REPIN1: variants seen among roughly 807,000 people sequenced by gnomAD.
The protein encoded by REPIN1 is DNA-binding protein REPIN1.
A neutral mutation model predicts 5.7 loss-of-function variants in REPIN1; 4 were observed. The observed-to-expected ratio is 0.71, with a 90% CI of 0.35 to 1.62. The LOEUF (loss-of-function observed/expected upper bound fraction) is 1.62. Ranked by LOEUF, REPIN1 falls within the 40% of genes most tolerant of loss-of-function variation. The pLI is 0.05. For missense variants in REPIN1, 854 were observed against 901.0 expected (o/e 0.95, Z 0.67); for synonymous variants, 410 against 386.2 (o/e 1.06, Z -0.72).
In REPIN1 at chr7:150,369,687, T is replaced by C. The variant is rs528309635; in HGVS notation, c.-25T>C. On this transcript the variant is annotated 5_prime_UTR_variant, in exon 2 of 3. Transcript: ENST00000489432. ...TCCCCACAGGTAAGGCTGGCCTCTC[T>C]GCAGTCAGAGGTCTGAGCTCTGCCA... 1.2e-6 allele frequency: 2 copies of C among 1,613,808 alleles called. No individual in the cohort carries two copies. Among genetic ancestry groups the C allele is most frequent in the African/African-American group, 1.3e-5 (1 of 75,040 alleles).
At position 150,371,455 on chromosome 7, in the gene REPIN1, C is replaced by T. The variant is rs754380206; in HGVS notation, c.385C>T (p.Leu129=). Reference sequence around the variant, plus strand: ...AAGGCACTTCCCTGGCTGGGTGGCTCTGTGGCTTCACACCCGCCGGTGCCA... The same window carrying T: ...AAGGCACTTCCCTGGCTGGGTGGCTTTGTGGCTTCACACCCGCCGGTGCCA... ...CRRHFPGWVA[L]WLHTRRCQAR... Residue 129 remains leucine (L), a synonymous_variant, in exon 3 of 3, where the codon CTG becomes TTG. Transcript: ENST00000489432. 2.5e-6 allele frequency: 4 copies of T among 1,605,672 alleles called. No homozygotes were observed. Among genetic ancestry groups the T allele is most frequent in the African/African-American group, 2.7e-5 (2 of 74,912 alleles).
At chr7:150,370,064 T>G (rs1799426997) in intron 2 of REPIN1, 196 bp downstream of exon 2, 1 of 642,218 alleles carries the variant, frequency 1.6e-6, no homozygotes, top group Admixed American at 3.1e-5. Context: ...AGGATGTGTC[T>G]GGAGCTTGTG....
intron 2 of REPIN1, 155 bp from the exon 3 acceptor site, chr7:150,371,073 C>T (rs1799649665): frequency 1.2e-6 from 1 of 823,868 alleles, no homozygotes; most frequent in Admixed American, 2.9e-5. Flanking sequence ...TGAAATAATA[C>T]ATACCACACA....
intron 2 of REPIN1, 161 bp downstream of exon 2, chr7:150,370,029 G>A: frequency 1.2e-6 from 1 of 848,368 alleles, no homozygotes; most frequent in East Asian, 2.7e-5. Context: ...CCTGAGAAGA[G>A]AGAGTGCGCT....
At position 150,372,640 on chromosome 7, in the gene REPIN1, G is replaced by T. The variant is rs762398421; in HGVS notation, c.1570G>T (p.Ala524Ser). The T allele has an allele frequency of 6.2e-7, 1 of 1,610,552 alleles. No homozygotes were observed. Among genetic ancestry groups the T allele is most frequent in the Non-Finnish European group, 8.5e-7 (1 of 1,179,554 alleles). ...CTTCGTGTGTCCCGACTGCGGCAAG[G>T]CCTTCCGCCACAAACCCTACCTGGC... ...RPFVCPDCGKAFRHKPYLAAH... is the reference protein window; with the variant it reads ...RPFVCPDCGKSFRHKPYLAAH... Residue 524 changes from alanine to serine, a missense_variant, in exon 3 of 3, where the codon GCC (alanine) becomes TCC (serine). This residue lies in a region of REPIN1 where 327 missense variants were observed against 307.8 expected (regional missense o/e 1.06). Coordinates refer to ENST00000489432, the MANE Select transcript of REPIN1 (RefSeq NM_001099695.2).
Position 150,372,593 on chromosome 7 carries a change from G to T in REPIN1, c.1523G>T (p.Arg508Leu). 1 of 1,605,198 alleles carries T rather than the reference G, an allele frequency of 6.2e-7. No individual in the cohort carries two copies. ...SQGSHLAAHR[R>L]DHAPDRPFVC... ...GGCAGCCATCTGGCGGCGCATCGGC[G>T]CGACCACGCCCCCGATCGGCCCTTC... Residue 508 changes from arginine (R) to leucine (L), a missense_variant, in exon 3 of 3, where the codon CGC becomes CTC. Coordinates refer to ENST00000489432, the MANE Select transcript of REPIN1 (RefSeq NM_001099695.2).
chr7:150,371,429 G>T lies in REPIN1; in HGVS notation c.359G>T (p.Arg120Leu). 1 of 1,603,554 alleles carries T rather than the reference G, an allele frequency of 6.2e-7. No individual in the cohort carries two copies. The highest frequency in any genetic ancestry group is 1.3e-5 in the African/African-American group (1 of 74,982). ...PGRAHRCAHCRRHFPGWVALW... is the reference protein window; with the variant it reads ...PGRAHRCAHCLRHFPGWVALW... ...AGGGCCCATCGCTGTGCCCACTGTC[G>T]AAGGCACTTCCCTGGCTGGGTGGCT... is the stretch of plus-strand genomic sequence containing the variant. Residue 120 changes from arginine to leucine, a missense_variant, in exon 3 of 3, where the codon CGA becomes CTA. Arg to Leu is a moderately radical substitution (Grantham distance 102, BLOSUM62 -2). Transcript: ENST00000489432.
upstream of REPIN1, chr7:150,368,359 T>G (rs891924325): frequency 6.6e-6 from 1 of 150,894 alleles, no homozygotes; most frequent in African/African-American, 2.4e-5. Flanking sequence ...GCCGCAAGCG[T>G]CCGCACTGCG....
intron 1 of REPIN1, chr7:150,369,400 C>A: frequency 2.2e-6 from 1 of 462,798 alleles, no homozygotes; most frequent in Non-Finnish European, 4.0e-6. Flanking sequence ...CAGGGAAAGC[C>A]CAGACTCTGG....
In REPIN1 at chr7:150,371,634, G is replaced by A; in HGVS notation, c.564G>A (p.Leu188=). 2 of 1,605,180 alleles carry A rather than the reference G, an allele frequency of 1.2e-6. No homozygotes were observed. The highest frequency in any genetic ancestry group is 1.7e-6 in the Non-Finnish European group (2 of 1,179,250). Residue 188 remains leucine (L), a synonymous_variant, in exon 3 of 3, where the codon CTG becomes CTA. Transcript: ENST00000489432. ...AGAGCTTCCGAGGCTGGGTGGCCCTGGTTCTGCATCTGCGGGCCCATTCAG... is the reference window on the plus strand; with the variant it reads ...AGAGCTTCCGAGGCTGGGTGGCCCTAGTTCTGCATCTGCGGGCCCATTCAG... ...CGQSFRGWVA[L]VLHLRAHSAA... is the part of the protein sequence containing the mutation.
Position 150,372,298 on chromosome 7 carries a change from C to G in REPIN1, c.1228C>G (p.Gln410Glu). The G allele has an allele frequency of 6.6e-7, 1 of 1,521,948 alleles. No individual in the cohort carries two copies. Among genetic ancestry groups the G allele is most frequent in the South Asian group, 1.2e-5 (1 of 82,496 alleles). 94.3% of individuals were successfully genotyped at this position (1,521,948 alleles called of 1,614,324 possible). A position where few individuals can be genotyped will look rare whatever the true frequency, so the allele number is the denominator to read the frequency against. Residue 410 changes from glutamine (Q) to glutamate (E), a missense_variant, in exon 3 of 3, where the codon CAG becomes GAG. This residue lies in a region of REPIN1 where 327 missense variants were observed against 307.8 expected (regional missense o/e 1.06). Coordinates refer to ENST00000489432, the MANE Select transcript of REPIN1 (RefSeq NM_001099695.2). ...CCCGGCGGTACCTCTGAAACCGGCC[C>G]AGGAGCCGCCGCCAGGGGCCCCGCC... ...PTPAVPLKPA[Q>E]EPPPGAPPEH...
rs1799275126 is a variant in REPIN1, at chr7:150,369,434, G to C, written c.-41-237G>C. 3.2e-5 allele frequency: 16 copies of C among 497,686 alleles called. No homozygotes were observed. In the South Asian group the frequency reaches 3.2e-4, roughly 10 times the overall value. 30.8% of individuals were successfully genotyped at this position (497,686 alleles called of 1,614,324 possible). Reference sequence around the variant, plus strand: ...GGCCACAGAATGGAGAATTCGTTCCGTGACCTTACCAGGGAAGAAAGTGAC... The same window carrying C: ...GGCCACAGAATGGAGAATTCGTTCCCTGACCTTACCAGGGAAGAAAGTGAC... On this transcript the variant is annotated intron_variant, in intron 1 of 2. Transcript: ENST00000489432.
At chr7:150,368,963 G>T (rs1212872670) in intron 1 of REPIN1, 22 bp downstream of exon 1, 1 of 377,636 alleles carries the variant, frequency 2.6e-6, no homozygotes, top group Non-Finnish European at 4.7e-6. Context: ...GCAGGGGCGC[G>T]GGGCCACCGC....
In REPIN1 at chr7:150,371,341, G is replaced by T; in HGVS notation, c.271G>T (p.Glu91Ter). 6.3e-7 allele frequency: 1 copy of T among 1,586,100 alleles called. No individual in the cohort carries two copies. The part of the protein sequence containing the change: ...SQESPQTLGK[E>*]SRGLRQQGTS... Reference sequence around the variant, plus strand: ...GGAGTCACCCCAGACCCTGGGGAAGGAGTCCCGCGGGCTGAGGCAACAAGG... The same window carrying T: ...GGAGTCACCCCAGACCCTGGGGAAGTAGTCCCGCGGGCTGAGGCAACAAGG... The change falls in exon 3 of 3, where the codon GAG becomes TAG. Residue 91 changes from glutamate (E) to a stop codon, truncating the protein, a stop_gained. Coordinates refer to ENST00000489432, the MANE Select transcript of REPIN1 (RefSeq NM_001099695.2). LOFTEE classifies it low-confidence loss of function (END_TRUNC).
rs767482751 is a variant in REPIN1, at chr7:150,372,659, A to G, written c.1589A>G (p.Tyr530Cys). 1 of 1,611,706 alleles carries G rather than the reference A, an allele frequency of 6.2e-7. No individual in the cohort carries two copies. Among genetic ancestry groups the G allele is most frequent in the Admixed American group, 1.7e-5 (1 of 59,982 alleles). ...DCGKAFRHKP[Y>C]LAAHRRIHTG... ...GGCAAGGCCTTCCGCCACAAACCCT[A>G]CCTGGCGGCGCACCGGCGCATCCAC... The change falls in exon 3 of 3, where the codon TAC (tyrosine) becomes TGC (cysteine). Residue 530 changes from tyrosine (Y) to cysteine (C), a missense_variant. Around this residue, in one of 5 missense-constraint regions of REPIN1, gnomAD observed 5 missense variants for 20.2 expected, o/e 0.25. Transcript: ENST00000489432.
rs1459063698 is a variant in REPIN1 at position 150,371,796 on chromosome 7, C to G, written c.726C>G (p.Ser242Arg). Residue 242 changes from serine (S) to arginine (R), a missense_variant, in exon 3 of 3, where the codon AGC becomes AGG. Around this residue, in one of 5 missense-constraint regions of REPIN1, gnomAD observed 409 missense variants for 418.6 expected, o/e 0.98. Transcript: ENST00000489432. ...RPFICGNCGR[S>R]FAQWDQLVAH... ...TCATATGCGGCAACTGTGGCCGGAG[C>G]TTTGCCCAGTGGGACCAGCTAGTTG... 6.2e-7 allele frequency: 1 copy of G among 1,611,116 alleles called. No individual in the cohort carries two copies.
chr7:150,370,313 C>T (rs544885672), intron 2 of REPIN1: 32 of 247,398 alleles, frequency 1.3e-4, no homozygotes, highest in African/African-American at 6.3e-4. Context: ...GATCAGGCCC[C>T]GAGGGCAGCA....
In REPIN1 at chr7:150,371,332, C is replaced by G. The variant is rs1799701371; in HGVS notation, c.262C>G (p.Leu88Val). The G allele has an allele frequency of 1.5e-5, 23 of 1,585,756 alleles. No individual in the cohort carries two copies. Among genetic ancestry groups the G allele is most frequent in the Non-Finnish European group, 2.0e-5 (23 of 1,167,014 alleles). The stretch of plus-strand genomic sequence containing the variant: ...GCCCTCCCAGGAGTCACCCCAGACC[C>G]TGGGGAAGGAGTCCCGCGGGCTGAG... ...SGPSQESPQT[L>V]GKESRGLRQQ... Residue 88 changes from leucine to valine, a missense_variant, in exon 3 of 3, where the codon CTG becomes GTG. Leu to Val is a conservative substitution (Grantham distance 32). Around this residue, in one of 5 missense-constraint regions of REPIN1, gnomAD observed 409 missense variants for 418.6 expected, o/e 0.98. Coordinates refer to ENST00000489432, the MANE Select transcript of REPIN1 (RefSeq NM_001099695.2).
At chr7:150,370,642 C>G in intron 2 of REPIN1, 1 of 679,150 alleles carries the variant, frequency 1.5e-6, no homozygotes, top group Non-Finnish European at 2.7e-6. Flanking sequence ...GGAAAGAACA[C>G]TGGCCTGGGA....
Sources: gnomAD v4.1 joint callset for allele counts on GRCh38, gnomAD v4.1.1 for gene constraint, gnomAD v4.1.1 regional missense constraint, MANE v1.5 for transcripts, NCBI Gene and HGNC (gene_info 2026-07-23, HGNC 2026-07-21) for gene names.